Variants in ATM observed in about 807,000 individuals in gnomAD.
ATM encodes the protein ATM serine/threonine kinase.
A neutral mutation model predicts 387.0 loss-of-function variants in ATM; 308 were observed. The ratio of observed to expected loss-of-function variants is 0.80; its 90% CI spans 0.73 to 0.87. The LOEUF is 0.87. ATM is among the 40% of genes least tolerant of loss of function. The pLI is 0.00. For synonymous variants in ATM, 1,156 were observed against 1,187.3 expected, an observed-to-expected ratio of 0.97 and a Z score of 0.54; for missense variants, 3,312 against 3,560.9, an observed-to-expected ratio of 0.93 and a Z score of 1.78.
intron 29 of ATM, among the ~76,000 whole-genome samples, chr11:108,291,084 A>C (rs1419457866): frequency 6.6e-6 from 1 of 151,828 alleles, no homozygotes; most frequent in African/African-American, 2.4e-5. Context: ...AAATACAAAA[A>C]AATTAGCCAG....
At chr11:108,307,023 A>T (rs2083741173) in intron 37 of ATM, among the ~76,000 whole-genome samples, 1 of 151,874 alleles carries the variant, frequency 6.6e-6, no homozygotes, top group Middle Eastern at 3.4e-3. Flanking sequence ...CTTTCATTAA[A>T]TTTTCCAAGT....
Position 108,315,884 on chromosome 11 carries a change from G to A in ATM, c.6068G>A (p.Gly2023Glu), listed in dbSNP as rs1486220915. 2.5e-6 allele frequency: 4 copies of A among 1,612,664 alleles called. No homozygotes were observed. The highest frequency in any genetic ancestry group is 2.5e-6 in the Non-Finnish European group (3 of 1,178,792). Residue 2023 changes from glycine (G) to glutamate (E), a missense_variant, in exon 41 of 63, where the codon GGA becomes GAA. By Grantham distance (98) the Gly-to-Glu change is moderately conservative. This residue lies in a region of ATM where 1,405 missense variants were observed against 1,604.4 expected (regional missense o/e 0.88). Transcript: ENST00000675843. ...GEPDSLYGCG[G>E]GKMLQPITRL... ...CCAGATAGTTTGTATGGCTGTGGTG[G>A]AGGGAAGATGTTACAACCCATTACT...
intron 6 of ATM, 145 bp from the exon 7 acceptor site, chr11:108,244,643 T>G (rs1195727367): frequency 1.3e-6 from 1 of 746,848 alleles, no homozygotes. Context: ...ATTTTTTTTT[T>G]TAATGAATAG....
intron 36 of ATM, 31 bp downstream of exon 36, chr11:108,303,060 C>G (rs769701430): frequency 6.3e-7 from 1 of 1,577,050 alleles, no homozygotes; most frequent in Admixed American, 1.7e-5. Context: ...GATATAATTC[C>G]TTGTTTATGA....
rs1555100549 is a variant in ATM at position 108,293,407 on chromosome 11, T to C, written c.4706T>C (p.Val1569Ala). ...CTTTTAGATCCTTTTCCTGACCATG[T>C]TGTTTTTAAGGATTTGCGTATTACT... is the stretch of plus-strand genomic sequence containing the variant. The part of the protein sequence containing the change: ...IKLLDPFPDH[V>A]VFKDLRITQQ... The change falls in exon 31 of 63, where the codon GTT becomes GCT. Residue 1569 changes from valine (V) to alanine (A), a missense_variant. Val to Ala is a moderately conservative substitution (Grantham distance 64). Transcript: ENST00000675843. 6.2e-7 allele frequency: 1 copy of C among 1,611,998 alleles called. No individual in the cohort carries two copies. The highest frequency in any genetic ancestry group is 1.1e-5 in the South Asian group (1 of 91,020).
chr11:108,314,488 G>A (rs572074921), intron 40 of ATM, among the ~76,000 whole-genome samples: 2 of 151,790 alleles, frequency 1.3e-5, no homozygotes, highest in East Asian at 3.9e-4. Context: ...AGCCTGGTAG[G>A]TCGGTACTTA....
rs549317599 is a variant in ATM, at chr11:108,321,512, G to A, written c.6572+92G>A. 5.7e-6 allele frequency: 9 copies of A among 1,570,844 alleles called. No individual in the cohort carries two copies. In the South Asian group the frequency reaches 8.9e-5, roughly 16 times the overall value. ...AAATAAAAACTATAGGCCGGGCACG[G>A]TGGCTCATGCCTGTAATCCTAGCAC... On this transcript the variant is annotated intron_variant, in intron 45 of 62. Coordinates refer to ENST00000675843, the MANE Select transcript of ATM (RefSeq NM_000051.4).
chr11:108,326,747 C>T (rs1013475691), intron 47 of ATM, among the ~76,000 whole-genome samples: 1 of 152,204 alleles, frequency 6.6e-6, no homozygotes, highest in East Asian at 1.9e-4. Context: ...GCATTGGTGT[C>T]CCCAAGGTTT....
At chr11:108,335,649 A>G (rs951016942) in intron 55 of ATM, among the ~76,000 whole-genome samples, 196 bp from the exon 56 acceptor site, 1 of 152,136 alleles carries the variant, frequency 6.6e-6, no homozygotes, top group African/African-American at 2.4e-5. Flanking sequence ...GCGAGGGGAA[A>G]CTTTCTAAAT....
intron 59 of ATM, among the ~76,000 whole-genome samples, chr11:108,348,778 A>C (rs2088812382): frequency 6.6e-6 from 1 of 152,110 alleles, no homozygotes; most frequent in Non-Finnish European, 1.5e-5. Flanking sequence ...TTCACTATAA[A>C]ACAAAGAAGA....
intron 15 of ATM, 75 bp downstream of exon 15, chr11:108,257,681 A>G (rs1348779927): frequency 1.3e-5 from 19 of 1,437,528 alleles, no homozygotes; most frequent in South Asian, 2.3e-5. Flanking sequence ...GTGCAGTGGG[A>G]TTGTCACAAC....
chr11:108,318,688 CA>C (rs1315730885), intron 43 of ATM, among the ~76,000 whole-genome samples: 2 of 149,968 alleles, frequency 1.3e-5, no homozygotes, highest in Non-Finnish European at 3.0e-5. Context: ...GACTCTGTCT[CA>C]AAAAAACAAA....
intron 47 of ATM, among the ~76,000 whole-genome samples, chr11:108,326,995 T>G (rs1443107339): frequency 1.3e-5 from 2 of 151,960 alleles, no homozygotes; most frequent in Non-Finnish European, 2.9e-5. Flanking sequence ...CCAGCTAATT[T>G]TTTTGTATTT....
chr11:108,306,525 G>A (rs1230360386), intron 37 of ATM, among the ~76,000 whole-genome samples: 1 of 152,070 alleles, frequency 6.6e-6, no homozygotes, highest in Non-Finnish European at 1.5e-5. Flanking sequence ...TCATGAACAT[G>A]GCCAAGACTT....
At chr11:108,266,664 A>G (rs887125035) in intron 16 of ATM, among the ~76,000 whole-genome samples, 13 of 152,146 alleles carry the variant, frequency 8.5e-5, no homozygotes, top group South Asian at 4.1e-4. Flanking sequence ...TAAAGTTTGC[A>G]TATTATTTTG....
In ATM at chr11:108,256,415, T is replaced by C. The variant is rs2235009; in HGVS notation, c.2250+75T>C. 5.6e-4 allele frequency: 834 copies of C among 1,486,574 alleles called. 12 individuals carry two copies. The East Asian group carries it at 0.017, about 31-fold the overall frequency. 92.1% of individuals were successfully genotyped at this position (1,486,574 alleles called of 1,614,324 possible). A position where few individuals can be genotyped will look rare whatever the true frequency, so the allele number is the denominator to read the frequency against. On this transcript the variant is annotated intron_variant, in intron 14 of 62. Coordinates refer to ENST00000675843, the MANE Select transcript of ATM (RefSeq NM_000051.4). ...ATTCCTGTGAAAATTATTACATTTG[T>C]TTGGAAGACATTAAATTTTATGCAG...
chr11:108,268,708 A>G, intron 18 of ATM, 99 bp downstream of exon 18: 2 of 1,323,662 alleles, frequency 1.5e-6, no homozygotes, highest in South Asian at 1.2e-5. Flanking sequence ...TCTTTGAAGA[A>G]TTGAAATTGC....
chr11:108,245,125 C>T (rs1800755), intron 7 of ATM, 99 bp downstream of exon 7: 1 of 938,230 alleles, frequency 1.1e-6, no homozygotes. Flanking sequence ...TGACTTTCCT[C>T]TGGATTTCTC....
At chr11:108,238,255 T>C (rs2079394286) in intron 5 of ATM, among the ~76,000 whole-genome samples, 1 of 151,976 alleles carries the variant, frequency 6.6e-6, no homozygotes, top group Admixed American at 6.6e-5. Context: ...CTTTCATTAG[T>C]GTTTTATAAT....
Sources: allele counts gnomAD v4.1 joint callset (sites outside exome capture counted in the v4.1 genomes callset), GRCh38; gene constraint gnomAD v4.1.1; regional missense constraint gnomAD v4.1.1; transcripts MANE v1.5; gene names NCBI Gene and HGNC (gene_info 2026-07-23, HGNC 2026-07-21).